The following NAALADL2 variants were observed in gnomAD, a reference collection of about 807,000 sequenced individuals.
NAALADL2 encodes the protein N-acetylated alpha-linked acidic dipeptidase like 2.
NAALADL2 carries 76 observed loss-of-function variants against 87.2 expected under a neutral mutation model. That is an observed-to-expected ratio of 0.87 (90% CI 0.72 to 1.05). NAALADL2 has a LOEUF of 1.05. Among genes scored for constraint, NAALADL2 ranks in the 50% least tolerant of loss-of-function variants. The pLI, the probability that NAALADL2 is intolerant of heterozygous loss-of-function variation, is 0.00. For missense variants in NAALADL2, 1,089 were observed against 945.8 expected, an observed-to-expected ratio of 1.15 and a Z score of -1.99; for synonymous variants, 354 against 331.0, an observed-to-expected ratio of 1.07 and a Z score of -0.75.
intron 4 of NAALADL2, chr3:175,256,999 A>T (rs916700361): frequency 1.1e-4 from 16 of 152,134 alleles, no homozygotes; most frequent in African/African-American, 3.9e-4. Context: ...CTATACAACT[A>T]CAGTTACTAA....
rs1183228026 is a variant in NAALADL2 at position 175,324,223 on chromosome 3, G to A, written c.988G>A (p.Asp330Asn). ...AGFGGVLLYI[D>N]PCDLPKTVNP... ...ATTTGGAGGTGTTCTTCTGTATATCGATCCTTGTGATTTGCCAAAGACTGT... is the reference window on the plus strand; with the variant it reads ...ATTTGGAGGTGTTCTTCTGTATATCAATCCTTGTGATTTGCCAAAGACTGT... The change falls in exon 5 of 14, where the codon GAT (aspartate) becomes AAT (asparagine). Residue 330 changes from aspartate (D) to asparagine (N), a missense_variant. Coordinates refer to ENST00000454872, the MANE Select transcript of NAALADL2 (RefSeq NM_207015.3). 5.6e-6 allele frequency: 9 copies of A among 1,613,320 alleles called. No individual in the cohort carries two copies. Among genetic ancestry groups the A allele is most frequent in the African/African-American group, 1.3e-5 (1 of 74,888 alleles).
intron 1 of NAALADL2, among the ~76,000 whole-genome samples, chr3:174,455,927 C>A (rs1291644120): frequency 1.9e-4 from 29 of 151,864 alleles, no homozygotes; most frequent in Admixed American, 1.9e-3. Flanking sequence ...CAAACTATTC[C>A]TGTGTGCAGA....
intron 3 of NAALADL2, among the ~76,000 whole-genome samples, chr3:175,255,953 G>A (rs1749863301): frequency 6.6e-6 from 1 of 152,222 alleles, no homozygotes; most frequent in African/African-American, 2.4e-5. Flanking sequence ...ATGAGCAGCT[G>A]TTCAGGATGA....
At chr3:174,859,488 A>T in intron 1 of NAALADL2, 38 bp downstream of exon 1, 1 of 1,553,688 alleles carries the variant, frequency 6.4e-7, no homozygotes, top group Non-Finnish European at 8.9e-7. Context: ...CACTTTTCAC[A>T]ATCAGAAACT....
At chr3:175,652,695 G>GTC (rs1730946420) in intron 11 of NAALADL2, among the ~76,000 whole-genome samples, 1 of 151,926 alleles carries the variant, frequency 6.6e-6, no homozygotes, top group Non-Finnish European at 1.5e-5. Context: ...AGCCAGGATG[G>GTC]TCTCGATCTC....
intron 1 of NAALADL2, among the ~76,000 whole-genome samples, chr3:174,508,539 G>GT (rs1719374339): frequency 6.6e-6 from 1 of 152,106 alleles, no homozygotes; most frequent in Non-Finnish European, 1.5e-5. Context: ...TTTCGATTTT[G>GT]TTGGTCAATA....
chr3:174,894,975 A>C (rs2109818438), intron 1 of NAALADL2, among the ~76,000 whole-genome samples: 1 of 152,286 alleles, frequency 6.6e-6, no homozygotes, highest in African/African-American at 2.4e-5. Flanking sequence ...AAATATCTTG[A>C]AACAAATGAT....
intron 1 of NAALADL2, among the ~76,000 whole-genome samples, chr3:174,501,706 C>T (rs1718907308): frequency 2.0e-5 from 3 of 151,990 alleles, no homozygotes; most frequent in Admixed American, 2.0e-4. Context: ...ATAATATTCT[C>T]TTAATATTAT....
chr3:174,803,701 T>C (rs1459960233), intron 3 of NAALADL2, among the ~76,000 whole-genome samples: 1 of 152,220 alleles, frequency 6.6e-6, no homozygotes, highest in East Asian at 1.9e-4. Context: ...TAGCCAGTTT[T>C]CCCGGCACCA....
intron 1 of NAALADL2, among the ~76,000 whole-genome samples, chr3:174,962,433 G>GTAATAGTGTGTATGACATATATATA (rs1742249448): frequency 1.9e-5 from 1 of 52,242 alleles, no homozygotes; most frequent in Non-Finnish European, 5.0e-5. Context: ...ATATATATAT[G>GTAATAGTGTGTATGACATATATATA]TATATTTTTA....
At chr3:175,746,340 C>A in intron 12 of NAALADL2, among the ~76,000 whole-genome samples, 1 of 144,868 alleles carries the variant, frequency 6.9e-6, no homozygotes, top group Non-Finnish European at 1.5e-5. Flanking sequence ...TAATCAATTG[C>A]AAATGATTGA....
At chr3:174,603,166 A>G (rs1249195528) in intron 2 of NAALADL2, among the ~76,000 whole-genome samples, 1 of 151,936 alleles carries the variant, frequency 6.6e-6, no homozygotes, top group East Asian at 1.9e-4. Flanking sequence ...GTATTTCTTG[A>G]ATAGTTTGAA....
chr3:175,101,400 G>A (rs1323031957), intron 2 of NAALADL2, among the ~76,000 whole-genome samples: 1 of 152,236 alleles, frequency 6.6e-6, no homozygotes, highest in Non-Finnish European at 1.5e-5. Context: ...TGGTTATCTT[G>A]TATAAACCAT....
chr3:175,463,379 C>G, intron 6 of NAALADL2, 22 bp from the exon 7 acceptor site: 1 of 1,443,422 alleles, frequency 6.9e-7, no homozygotes. Flanking sequence ...AAGCAAAAGT[C>G]TTTAAATTTT....
rs1040625228 is a variant in NAALADL2, at chr3:175,292,622, A to ACC, written c.940-31552_940-31551dup. 9.1e-5 allele frequency among the ~76,000 whole-genome samples: 13 copies of ACC among 143,052 alleles called. No individual in the cohort carries two copies. The East Asian group carries it at 1.8e-3, about 19-fold the overall frequency. The allele number at this position is 143,052 out of a possible 152,430, so 93.8% of individuals were successfully genotyped here. ...CACACACACACACACACACACACAC[A>ACC]CCTGAGGGGATTCTAGGTTTACCAT... On this transcript the variant is annotated intron_variant, in intron 4 of 13. Coordinates refer to ENST00000454872, the MANE Select transcript of NAALADL2 (RefSeq NM_207015.3).
chr3:175,574,920 C>T (rs1718637108), intron 9 of NAALADL2, among the ~76,000 whole-genome samples: 1 of 152,142 alleles, frequency 6.6e-6, no homozygotes, highest in Non-Finnish European at 1.5e-5. Context: ...GTCTCATTTT[C>T]TCACAACTGT....
At chr3:175,621,861 C>T (rs1213547300) in intron 10 of NAALADL2, among the ~76,000 whole-genome samples, 1 of 152,028 alleles carries the variant, frequency 6.6e-6, no homozygotes, top group Non-Finnish European at 1.5e-5. Context: ...CCAAGTATAT[C>T]AAAGGATAAC....
At chr3:174,512,527 A>G (rs1174504554) in intron 1 of NAALADL2, among the ~76,000 whole-genome samples, 1 of 152,150 alleles carries the variant, frequency 6.6e-6, no homozygotes, top group East Asian at 1.9e-4. Flanking sequence ...GTCTTAAGTG[A>G]TTTCTACTCA....
chr3:175,197,671 C>T (rs146603075), intron 2 of NAALADL2, among the ~76,000 whole-genome samples: 80 of 152,068 alleles, frequency 5.3e-4, no homozygotes, highest in African/African-American at 1.8e-3. Flanking sequence ...CAACTCTATA[C>T]ACCAGGCATT....
Sources: allele counts gnomAD v4.1 joint callset (sites outside exome capture counted in the v4.1 genomes callset), GRCh38; gene constraint gnomAD v4.1.1; transcripts MANE v1.5; gene names NCBI Gene and HGNC (gene_info 2026-07-23, HGNC 2026-07-21).